SMAP1: variants seen among roughly 807,000 people sequenced by gnomAD.
SMAP1 encodes the protein small ArfGAP 1, also known as stromal membrane-associated protein 1.
In SMAP1, 24 loss-of-function variants were observed where a neutral mutation model predicts 58.5. The ratio of observed to expected loss-of-function variants is 0.41; its 90% CI spans 0.30 to 0.58. SMAP1 has a LOEUF of 0.58. Among genes scored for constraint, SMAP1 ranks in the 20% least tolerant of loss-of-function variants. The pLI, the probability that SMAP1 is intolerant of heterozygous loss-of-function variation, is 0.29. For synonymous variants in SMAP1, 216 were observed against 196.6 expected, an observed-to-expected ratio of 1.10 and a Z score of -0.82; for missense variants, 563 against 566.3, an observed-to-expected ratio of 0.99 and a Z score of 0.06.
chr6:70,780,936 T>C (rs939125586), intron 4 of SMAP1, among the ~76,000 whole-genome samples: 1 of 152,232 alleles, frequency 6.6e-6, no homozygotes, highest in Admixed American at 6.5e-5. Flanking sequence ...AGAATTAAGA[T>C]GAAGTATACT....
At chr6:70,752,064 T>C (rs1245481779) in intron 2 of SMAP1, among the ~76,000 whole-genome samples, 4 of 152,220 alleles carry the variant, frequency 2.6e-5, no homozygotes, top group South Asian at 2.1e-4. Flanking sequence ...GTAACACTTA[T>C]AGCATCTTCT....
chr6:70,858,849 A>T (rs922190271), intron 10 of SMAP1: 2 of 152,864 alleles, frequency 1.3e-5, no homozygotes, highest in African/African-American at 4.8e-5. Context: ...AAAAGATTCA[A>T]TTCCCATAAG....
chr6:70,847,645 C>T (rs1055621182), intron 7 of SMAP1, among the ~76,000 whole-genome samples: 3 of 152,056 alleles, frequency 2.0e-5, no homozygotes, highest in Non-Finnish European at 2.9e-5. Context: ...TTATGATGTT[C>T]CCAGCTGAAT....
In SMAP1 at chr6:70,755,047, G is replaced by A. The variant is rs771006483; in HGVS notation, c.320G>A (p.Arg107Gln). ...LYEANLPENFRRPQTDQAVEF... is the reference protein window; with the variant it reads ...LYEANLPENFQRPQTDQAVEF... ...GAAGCCAATCTTCCAGAGAACTTTC[G>A]AAGACCACAGACAGATCAGTATCCT... is the stretch of plus-strand genomic sequence containing the variant. Residue 107 changes from arginine to glutamine, a missense_variant, in exon 3 of 11, where the codon CGA becomes CAA. Arg to Gln is a conservative substitution (Grantham distance 43). Transcript: ENST00000370455. The A allele has an allele frequency of 2.4e-5, 38 of 1,609,612 alleles. No individual in the cohort carries two copies. Among genetic ancestry groups the A allele is most frequent in the African/African-American group, 6.7e-5 (5 of 74,754 alleles).
intron 1 of SMAP1, among the ~76,000 whole-genome samples, chr6:70,705,230 C>T (rs1351530413): frequency 6.6e-6 from 1 of 151,766 alleles, no homozygotes; most frequent in Non-Finnish European, 1.5e-5. Context: ...GAAATTTTCT[C>T]CAACTATTTC....
intron 1 of SMAP1, among the ~76,000 whole-genome samples, chr6:70,706,746 C>A (rs1582035400): frequency 6.6e-6 from 1 of 152,156 alleles, no homozygotes; most frequent in Non-Finnish European, 1.5e-5. Flanking sequence ...AATTAAGATG[C>A]CCACACCATT....
At chr6:70,791,642 C>A (rs1482527989) in intron 4 of SMAP1, 47 bp from the exon 5 acceptor site, 1 of 1,500,774 alleles carries the variant, frequency 6.7e-7, no homozygotes, top group East Asian at 2.3e-5. Flanking sequence ...ATTCTCATTA[C>A]CTTCTTTTTG....
intron 2 of SMAP1, among the ~76,000 whole-genome samples, chr6:70,735,500 A>G (rs889536163): frequency 6.6e-6 from 1 of 152,236 alleles, no homozygotes; most frequent in African/African-American, 2.4e-5. Flanking sequence ...GCTTGAGGCC[A>G]GGAGCGGTGG....
At chr6:70,788,476 A>G (rs1047238552) in intron 4 of SMAP1, among the ~76,000 whole-genome samples, 9 of 152,116 alleles carry the variant, frequency 5.9e-5, no homozygotes, top group African/African-American at 1.2e-4. Context: ...TAAAATAAAA[A>G]AAAACTTACA....
intron 3 of SMAP1, among the ~76,000 whole-genome samples, chr6:70,765,992 A>G (rs1015181730): frequency 6.8e-6 from 1 of 147,594 alleles, no homozygotes; most frequent in African/African-American, 2.5e-5. Flanking sequence ...GAGAATATGC[A>G]GTGTTTGGTT....
At chr6:70,690,985 T>C (rs1289621627) in intron 1 of SMAP1, among the ~76,000 whole-genome samples, 2 of 152,238 alleles carry the variant, frequency 1.3e-5, no homozygotes, top group South Asian at 2.1e-4. Context: ...TTTTGTTTGT[T>C]TTTTGCTGAG....
chr6:70,859,877 A>T (rs919780022), intron 10 of SMAP1: 1 of 206,730 alleles, frequency 4.8e-6, no homozygotes, highest in Non-Finnish European at 9.6e-6. Context: ...AAATTTTCTT[A>T]CTCCTTAGTA....
intron 1 of SMAP1, among the ~76,000 whole-genome samples, chr6:70,702,096 C>T (rs1767652118): frequency 6.6e-6 from 1 of 152,066 alleles, no homozygotes; most frequent in African/African-American, 2.4e-5. Flanking sequence ...TTGTATGTTC[C>T]TTTGTCCGTA....
chr6:70,702,173 A>T (rs1043032158), intron 1 of SMAP1, among the ~76,000 whole-genome samples: 2 of 152,056 alleles, frequency 1.3e-5, no homozygotes, highest in Non-Finnish European at 2.9e-5. Context: ...CAGTTTGATT[A>T]TGAATTGTCT....
chr6:70,846,859 C>T (rs1029775102), intron 7 of SMAP1, among the ~76,000 whole-genome samples: 3 of 152,112 alleles, frequency 2.0e-5, no homozygotes, highest in African/African-American at 4.8e-5. Flanking sequence ...TTGAGTTTTC[C>T]GGGTGCACCA....
intron 8 of SMAP1, among the ~76,000 whole-genome samples, chr6:70,853,994 A>C (rs1175686189): frequency 6.6e-6 from 1 of 152,170 alleles, no homozygotes; most frequent in Non-Finnish European, 1.5e-5. Flanking sequence ...GTTAGATCCC[A>C]CCTCTGAGGT....
chr6:70,775,422 G>A (rs1243811899), intron 4 of SMAP1, among the ~76,000 whole-genome samples: 2 of 151,984 alleles, frequency 1.3e-5, no homozygotes, highest in Non-Finnish European at 2.9e-5. Context: ...TTACTGAGTT[G>A]GGTTTTTTCC....
In SMAP1 at chr6:70,836,740, C is replaced by A. The variant is rs534004713; in HGVS notation, c.577-201C>A. Among the ~76,000 whole-genome samples the A allele has an allele frequency of 3.5e-4, 53 of 152,208 alleles. No homozygotes were observed. In the South Asian group the frequency reaches 0.011, roughly 31 times the overall value. Reference sequence around the variant, plus strand: ...TGTTTTATTCACTATTTTGGGGTCCCAATATGTGAGGATTGTCATTGCAAC... The same window carrying A: ...TGTTTTATTCACTATTTTGGGGTCCAAATATGTGAGGATTGTCATTGCAAC... On this transcript the variant is annotated intron_variant, in intron 6 of 10. Transcript: ENST00000370455.
intron 4 of SMAP1, among the ~76,000 whole-genome samples, chr6:70,780,843 T>G (rs1250918212): frequency 6.6e-6 from 1 of 152,204 alleles, no homozygotes; most frequent in Non-Finnish European, 1.5e-5. Context: ...TTGGTTTTCT[T>G]TGTTACTTCT....
Sources: gnomAD v4.1 joint callset for allele counts (sites outside exome capture counted in the v4.1 genomes callset) on GRCh38, gnomAD v4.1.1 for gene constraint, MANE v1.5 for transcripts, NCBI Gene and HGNC (gene_info 2026-07-23, HGNC 2026-07-21) for gene names.